Variants in IQCM observed in about 807,000 individuals in gnomAD.
The protein encoded by IQCM is IQ domain-containing protein M.
A neutral mutation model predicts 57.6 loss-of-function variants in IQCM; 45 were observed. The observed-to-expected ratio is 0.78, with a 90% CI of 0.62 to 1.00. IQCM has a LOEUF of 1.00. IQCM is among the 50% of genes least tolerant of loss of function. The pLI, the probability that IQCM is intolerant of heterozygous loss-of-function variation, is 0.00. For missense variants in IQCM, 468 were observed against 511.6 expected, an observed-to-expected ratio of 0.91 and a Z score of 0.82; for synonymous variants, 148 against 158.9, an observed-to-expected ratio of 0.93 and a Z score of 0.51.
chr4:149,544,977 A>G (rs1748242169), intron 12 of IQCM, among the ~76,000 whole-genome samples: 1 of 152,154 alleles, frequency 6.6e-6, no homozygotes, highest in African/African-American at 2.4e-5. Flanking sequence ...TGTGAAGGCA[A>G]TCTTGGCTAT....
intron 7 of IQCM, among the ~76,000 whole-genome samples, chr4:149,664,414 C>T (rs1344722467): frequency 6.6e-6 from 1 of 152,002 alleles, no homozygotes; most frequent in East Asian, 1.9e-4. Flanking sequence ...CCAATGGAGC[C>T]GTCACTTTTT....
intron 2 of IQCM, among the ~76,000 whole-genome samples, chr4:149,743,629 A>G (rs1006556893): frequency 9.2e-5 from 14 of 152,088 alleles, no homozygotes; most frequent in Non-Finnish European, 1.8e-4. Context: ...GGCATTTTTG[A>G]AAGTTTCCCA....
At chr4:149,593,633 C>G (rs558335065) in intron 8 of IQCM, among the ~76,000 whole-genome samples, 2 of 152,102 alleles carry the variant, frequency 1.3e-5, no homozygotes, top group Non-Finnish European at 2.9e-5. Context: ...TATGTCCCAT[C>G]AATACCTAGT....
intron 13 of IQCM, among the ~76,000 whole-genome samples, chr4:149,382,917 T>C (rs1359166410): frequency 2.0e-5 from 3 of 151,358 alleles, no homozygotes; most frequent in Non-Finnish European, 4.4e-5. Flanking sequence ...GCATCTACTT[T>C]AGACCAGCAA....
At chr4:149,676,800 A>G (rs1264889990) in intron 7 of IQCM, among the ~76,000 whole-genome samples, 1 of 152,066 alleles carries the variant, frequency 6.6e-6, no homozygotes, top group Non-Finnish European at 1.5e-5. Context: ...TCCTTTAATA[A>G]GAATAATTCT....
At chr4:149,578,117 G>T (rs1202879971) in intron 9 of IQCM, among the ~76,000 whole-genome samples, 1 of 151,692 alleles carries the variant, frequency 6.6e-6, no homozygotes, top group Non-Finnish European at 1.5e-5. Flanking sequence ...GAACCTTTAG[G>T]CAGAGGCTAT....
chr4:149,472,919 T>C (rs1018414677), intron 12 of IQCM, among the ~76,000 whole-genome samples: 39 of 152,292 alleles, frequency 2.6e-4, no homozygotes, highest in Admixed American at 4.6e-4. Flanking sequence ...TGGCTAGCCA[T>C]ATGTAGACAG....
chr4:149,783,929 G>T (rs1215942321), intron 2 of IQCM, among the ~76,000 whole-genome samples: 1 of 152,140 alleles, frequency 6.6e-6, no homozygotes, highest in African/African-American at 2.4e-5. Context: ...CAATATGAAT[G>T]AGCATGGAAG....
At chr4:149,402,111 A>G (rs1399263785) in intron 13 of IQCM, among the ~76,000 whole-genome samples, 3 of 151,772 alleles carry the variant, frequency 2.0e-5, no homozygotes, top group African/African-American at 7.2e-5. Context: ...GAATAGAAAT[A>G]ATACATTCTT....
chr4:149,683,121 T>A (rs1172844664), intron 6 of IQCM, among the ~76,000 whole-genome samples: 1 of 151,246 alleles, frequency 6.6e-6, no homozygotes, highest in Non-Finnish European at 1.5e-5. Context: ...TTCCATGTTA[T>A]TTTGGCCCAT....
At chr4:149,707,437 C>T (rs953219488) in intron 5 of IQCM, among the ~76,000 whole-genome samples, 2 of 151,968 alleles carry the variant, frequency 1.3e-5, no homozygotes, top group African/African-American at 2.4e-5. Flanking sequence ...CCCGGAGCAT[C>T]CCTGAAATCA....
At chr4:149,765,787 T>C (rs907562374) in intron 2 of IQCM, among the ~76,000 whole-genome samples, 2 of 152,122 alleles carry the variant, frequency 1.3e-5, no homozygotes, top group African/African-American at 4.8e-5. Context: ...ATCACTATCT[T>C]GGTCTTTGAG....
At chr4:149,715,263 G>A (rs975874254) in intron 5 of IQCM, among the ~76,000 whole-genome samples, 4 of 152,182 alleles carry the variant, frequency 2.6e-5, no homozygotes, top group African/African-American at 7.2e-5. Flanking sequence ...GCATGGAGTG[G>A]CAAGGGGTGC....
chr4:149,413,828 AT>A (rs1372513905), intron 13 of IQCM, among the ~76,000 whole-genome samples: 1 of 152,196 alleles, frequency 6.6e-6, no homozygotes, highest in Non-Finnish European at 1.5e-5. Context: ...GAAACTAAAC[AT>A]TTTTGTTAAA....
At chr4:149,435,960 T>C (rs1422144338) in intron 12 of IQCM, among the ~76,000 whole-genome samples, 1 of 152,072 alleles carries the variant, frequency 6.6e-6, no homozygotes, top group African/African-American at 2.4e-5. Context: ...TAAGGTAAAA[T>C]ATAATAAGCT....
At chr4:149,775,149 C>A (rs1770970375) in intron 2 of IQCM, among the ~76,000 whole-genome samples, 2 of 151,614 alleles carry the variant, frequency 1.3e-5, no homozygotes, top group Admixed American at 1.3e-4. Context: ...TTCTTTCATC[C>A]TACCCCTAAA....
chr4:149,580,283 G>C (rs1273697489), intron 9 of IQCM, among the ~76,000 whole-genome samples: 4 of 151,718 alleles, frequency 2.6e-5, no homozygotes, highest in Non-Finnish European at 4.4e-5. Context: ...AGAGATGTGA[G>C]AATTCTGGAG....
At chr4:149,474,963 G>T (rs910807116) in intron 12 of IQCM, among the ~76,000 whole-genome samples, 2 of 152,070 alleles carry the variant, frequency 1.3e-5, no homozygotes, top group African/African-American at 4.8e-5. Context: ...TGGTTTGGGG[G>T]CCAGATAATG....
At chr4:149,439,311 TTTAC>T (rs1735675837) in intron 12 of IQCM, among the ~76,000 whole-genome samples, 1 of 152,016 alleles carries the variant, frequency 6.6e-6, no homozygotes, top group East Asian at 1.9e-4. Flanking sequence ...TCATTCTGTA[TTTAC>T]TTATTTTTTG....
Sources: gnomAD v4.1 joint callset for allele counts (sites outside exome capture counted in the v4.1 genomes callset) on GRCh38, gnomAD v4.1.1 for gene constraint, MANE v1.5 for transcripts, NCBI Gene and HGNC (gene_info 2026-07-23, HGNC 2026-07-21) for gene names.